The following PWWP3A variants were observed in gnomAD, a reference collection of about 807,000 sequenced individuals.
PWWP3A encodes PWWP domain-containing DNA repair factor 3A.
Under a neutral mutation model 79.0 loss-of-function variants are expected in PWWP3A, and 53 were observed. The ratio of observed to expected loss-of-function variants is 0.67; its 90% CI spans 0.54 to 0.84. The LOEUF is 0.84. Ranked by LOEUF, PWWP3A falls within the 40% of genes least tolerant of loss-of-function variation. The pLI, the probability that PWWP3A is intolerant of heterozygous loss-of-function variation, is 0.00. For synonymous variants in PWWP3A, 443 were observed against 394.4 expected (o/e 1.12, Z -1.46); for missense variants, 973 against 948.0 (o/e 1.03, Z -0.35).
chr19:1,360,677 C>T lies in PWWP3A; in HGVS notation c.756C>T (p.Ala252=). 1.2e-6 allele frequency: 2 copies of T among 1,613,254 alleles called. No individual in the cohort carries two copies. Among genetic ancestry groups the T allele is most frequent in the Non-Finnish European group, 1.7e-6 (2 of 1,179,520 alleles). The change falls in exon 5 of 14, where the codon GCC becomes GCT. Residue 252 remains alanine, a synonymous_variant. Transcript: ENST00000591337. The surrounding 1 kb of genome is among the most constrained non-coding windows in gnomAD (Gnocchi z 4.4). ...DMGSKGGSWA[A]PSLPSGVRED... ...GGAGCAAAGGAGGCAGCTGGGCAGC[C>T]CCGTCCTTGCCCTCCGGGGTCAGGG...
intron 2 of PWWP3A, 62 bp downstream of exon 2, chr19:1,356,511 C>T: frequency 6.6e-7 from 1 of 1,516,480 alleles, no homozygotes; most frequent in Non-Finnish European, 9.1e-7. Flanking sequence ...CAAGTAAAAT[C>T]TTGATCAGGA....
Position 1,354,976 on chromosome 19 carries a change from C to G in PWWP3A, c.-229C>G, listed in dbSNP as rs1024978260. 1 of 127,928 alleles carries G rather than the reference C, an allele frequency of 7.8e-6. No homozygotes were observed. Among genetic ancestry groups the G allele is most frequent in the South Asian group, 2.0e-4 (1 of 4,950 alleles). 7.9% of individuals were successfully genotyped at this position (127,928 alleles called of 1,614,324 possible). A position where few individuals can be genotyped will look rare whatever the true frequency, so the allele number is the denominator to read the frequency against. On this transcript the variant is annotated 5_prime_UTR_variant, in exon 1 of 14. Coordinates refer to ENST00000591337, the MANE Select transcript of PWWP3A (RefSeq NM_001369789.1). Reference sequence around the variant, plus strand: ...CGCGAGGCAAGCCCCGCCCCCGGCCCCGCGGGGAGCGGCGGCGGCGGCGGC... The same window carrying G: ...CGCGAGGCAAGCCCCGCCCCCGGCCGCGCGGGGAGCGGCGGCGGCGGCGGC...
At position 1,360,673 on chromosome 19, in the gene PWWP3A, C is replaced by T. The variant is rs762292234; in HGVS notation, c.752C>T (p.Ala251Val). Reference protein sequence around the residue: ...RDMGSKGGSWAAPSLPSGVRE... With the variant: ...RDMGSKGGSWVAPSLPSGVRE... Reference sequence around the variant, plus strand: ...ATGGGGAGCAAAGGAGGCAGCTGGGCAGCCCCGTCCTTGCCCTCCGGGGTC... The same window carrying T: ...ATGGGGAGCAAAGGAGGCAGCTGGGTAGCCCCGTCCTTGCCCTCCGGGGTC... The change falls in exon 5 of 14, where the codon GCA becomes GTA. Residue 251 changes from alanine to valine, a missense_variant. Transcript: ENST00000591337. The surrounding 1 kb of genome is among the most constrained non-coding windows in gnomAD (Gnocchi z 4.4). The T allele has an allele frequency of 1.9e-6, 3 of 1,612,836 alleles. No individual in the cohort carries two copies. The highest frequency in any genetic ancestry group is 2.7e-5 in the African/African-American group (2 of 74,928).
intron 7 of PWWP3A, among the ~76,000 whole-genome samples, chr19:1,365,454 C>T (rs904831989): frequency 1.3e-5 from 2 of 152,268 alleles, no homozygotes; most frequent in South Asian, 2.1e-4. Context: ...AATCCAGAGA[C>T]GCCTTTGTTG....
intron 13 of PWWP3A, chr19:1,374,371 A>G (rs1159327084): frequency 6.6e-6 from 1 of 152,230 alleles, no homozygotes; most frequent in Non-Finnish European, 1.5e-5. Flanking sequence ...ATAACAAGCC[A>G]GTGAGCAGCA....
At chr19:1,375,529 TTA>T (rs1451339335) in intron 13 of PWWP3A, among the ~76,000 whole-genome samples, 1 of 113,496 alleles carries the variant, frequency 8.8e-6, no homozygotes, top group Non-Finnish European at 1.7e-5. Flanking sequence ...ATCATATAAT[TTA>T]TATATTTTAT....
chr19:1,361,690 C>T (rs1288033240), intron 5 of PWWP3A, among the ~76,000 whole-genome samples: 4 of 152,304 alleles, frequency 2.6e-5, no homozygotes, highest in South Asian at 4.1e-4. Flanking sequence ...ACGTTGGAAG[C>T]GGCAGGGAAC....
rs532116192 is a variant in PWWP3A, at chr19:1,369,299, G to A, written c.1457G>A (p.Gly486Asp). 1.2e-6 allele frequency: 2 copies of A among 1,614,110 alleles called. No individual in the cohort carries two copies. The highest frequency in any genetic ancestry group is 1.1e-5 in the South Asian group (1 of 91,072). ...AGGGAGGACTTCAACCAGGACATCGGCTGGTGTGTCTCCCTCATCACCGAC... is the reference window on the plus strand; with the variant it reads ...AGGGAGGACTTCAACCAGGACATCGACTGGTGTGTCTCCCTCATCACCGAC... ...QAREDFNQDI[G>D]WCVSLITDYR... The change falls in exon 10 of 14, where the codon GGC becomes GAC. Residue 486 changes from glycine to aspartate, a missense_variant. Gly to Asp is a moderately conservative substitution (Grantham distance 94). Coordinates refer to ENST00000591337, the MANE Select transcript of PWWP3A (RefSeq NM_001369789.1). The surrounding 1 kb of genome is among the most constrained non-coding windows in gnomAD (Gnocchi z 4.0).
intron 6 of PWWP3A, among the ~76,000 whole-genome samples, chr19:1,363,419 G>C (rs1308699379): frequency 6.6e-6 from 1 of 152,220 alleles, no homozygotes; most frequent in African/African-American, 2.4e-5. Context: ...GATGGTCCCA[G>C]GACCGCAGGT....
rs765801244 is a variant in PWWP3A at position 1,358,374 on chromosome 19, C to T, written c.144-20C>T. 1.2e-6 allele frequency: 2 copies of T among 1,609,628 alleles called. No individual in the cohort carries two copies. The highest frequency in any genetic ancestry group is 1.3e-5 in the African/African-American group (1 of 74,756). ...GGCGGCGTTGGCTGGTGGTGTGTAA[C>T]GTCGATTTTGTCTCTGCAGAATTAA... On this transcript the variant is annotated intron_variant, in intron 3 of 13. Transcript: ENST00000591337.
In PWWP3A at chr19:1,376,468, C is replaced by T. The variant is rs1009344399; in HGVS notation, c.2076-51C>T. Reference sequence around the variant, plus strand: ...CACACCCAGTCCTCTCTCTCATATTCTTTAACACACAATGATTAATTACTA... The same window carrying T: ...CACACCCAGTCCTCTCTCTCATATTTTTTAACACACAATGATTAATTACTA... On this transcript the variant is annotated intron_variant, in intron 13 of 13. Coordinates refer to ENST00000591337, the MANE Select transcript of PWWP3A (RefSeq NM_001369789.1). 19 of 1,589,486 alleles carry T rather than the reference C, an allele frequency of 1.2e-5. 1 individual carries two copies. The South Asian group carries it at 1.8e-4, about 15-fold the overall frequency.
chr19:1,368,513 C>T lies in PWWP3A; in HGVS notation c.1423-752C>T, dbSNP rs2082176261. Among the ~76,000 whole-genome samples, 1 of 152,084 alleles carries T rather than the reference C, an allele frequency of 6.6e-6. No homozygotes were observed. Among genetic ancestry groups the T allele is most frequent in the Non-Finnish European group, 1.5e-5 (1 of 68,018 alleles). On this transcript the variant is annotated intron_variant, in intron 9 of 13. Coordinates refer to ENST00000591337, the MANE Select transcript of PWWP3A (RefSeq NM_001369789.1). The surrounding 1 kb of genome is among the most constrained non-coding windows in gnomAD (Gnocchi z 4.7). ...CGGGGGCTGCTGGGCAGGCAGAGAGCGGCGTCCACCCGGCCCTGGGATGTG... is the reference window on the plus strand; with the variant it reads ...CGGGGGCTGCTGGGCAGGCAGAGAGTGGCGTCCACCCGGCCCTGGGATGTG...
chr19:1,363,112 GTAAGGCGCAGGA>G (rs1243346777), intron 6 of PWWP3A, among the ~76,000 whole-genome samples: 3 of 152,268 alleles, frequency 2.0e-5, no homozygotes, highest in Non-Finnish European at 4.4e-5. Flanking sequence ...GGCAGCATCC[GTAAGGCGCAGGA>G]TGTCCCCGGC....
At chr19:1,372,515 T>C (rs1239703962) in intron 12 of PWWP3A, 2 of 152,048 alleles carry the variant, frequency 1.3e-5, no homozygotes, top group African/African-American at 4.8e-5. Context: ...TTCCAGCACT[T>C]TGGGAGGCCG....
chr19:1,359,057 C>A (rs1413247437), intron 4 of PWWP3A: 4 of 278,632 alleles, frequency 1.4e-5, no homozygotes, highest in Non-Finnish European at 2.9e-5. Flanking sequence ...AGTTTAGCAC[C>A]CACCTCCTTT....
intron 7 of PWWP3A, among the ~76,000 whole-genome samples, chr19:1,365,106 T>C (rs3933430): frequency 0.56 from 84,639 of 152,038 alleles, 24,119 homozygotes; most frequent in Middle Eastern, 0.74. Context: ...GGTGACAGAG[T>C]GAGACTCCGT....
rs1600120253 is a variant in PWWP3A at position 1,369,748 on chromosome 19, G to C, written c.1549+102G>C. 7.8e-7 allele frequency: 1 copy of C among 1,281,992 alleles called. No individual in the cohort carries two copies. The highest frequency in any genetic ancestry group is 2.3e-5 in the East Asian group (1 of 43,344). 79.4% of individuals were successfully genotyped at this position (1,281,992 alleles called of 1,614,324 possible). On this transcript the variant is annotated intron_variant, in intron 11 of 13. Transcript: ENST00000591337. The surrounding 1 kb of genome is among the most constrained non-coding windows in gnomAD (Gnocchi z 4.0). Reference sequence around the variant, plus strand: ...CTGTGGAAGGGGACGTTGGGGTCAAGGCACTGTCCGCAGCCACACAGCATT... The same window carrying C: ...CTGTGGAAGGGGACGTTGGGGTCAACGCACTGTCCGCAGCCACACAGCATT...
intron 3 of PWWP3A, 170 bp downstream of exon 3, chr19:1,357,264 A>G (rs1368341105): frequency 2.9e-5 from 16 of 553,674 alleles, no homozygotes; most frequent in Non-Finnish European, 4.5e-5. Flanking sequence ...AACTAGTTTG[A>G]TTTTATGTCA....
chr19:1,375,237 T>A lies in PWWP3A; in HGVS notation c.2076-1282T>A, dbSNP rs866002478. Among the ~76,000 whole-genome samples, 781 of 135,898 alleles carry A rather than the reference T, an allele frequency of 5.7e-3. 2 individuals are homozygous for A. The highest frequency in any genetic ancestry group is 0.044 in the Middle Eastern group (11 of 252). 89.2% of individuals were successfully genotyped at this position (135,898 alleles called of 152,430 possible). ...ACTCCGTTTCAAAAAAAAAAAAAAA[T>A]ATTACACATCCTGTAAAAGTTACCA... On this transcript the variant is annotated intron_variant, in intron 13 of 13. Transcript: ENST00000591337.
Sources: allele counts gnomAD v4.1 joint callset (sites outside exome capture counted in the v4.1 genomes callset), GRCh38; gene constraint gnomAD v4.1.1; non-coding constraint Gnocchi (gnomAD v3.1); transcripts MANE v1.5; gene names NCBI Gene and HGNC (gene_info 2026-07-23, HGNC 2026-07-21).